The following ELMO1 variants were observed in gnomAD, a reference collection of about 807,000 sequenced individuals.
ELMO1 encodes the protein engulfment and cell motility 1.
A neutral mutation model predicts 98.9 loss-of-function variants in ELMO1; 26 were observed. The observed-to-expected ratio is 0.26, with a 90% CI of 0.19 to 0.36. ELMO1 has a LOEUF of 0.36. Ranked by LOEUF, ELMO1 falls within the 10% of genes least tolerant of loss-of-function variation. The probability of loss-of-function intolerance (pLI) is 1.00; values close to 1 mark genes in which losing one functional copy is unlikely to be tolerated. For synonymous variants in ELMO1, 346 were observed against 346.0 expected (o/e 1.00, Z 0.00); for missense variants, 627 against 935.2 (o/e 0.67, Z 4.30).
chr7:36,988,330 C>T (rs758487687), intron 16 of ELMO1, among the ~76,000 whole-genome samples: 14 of 152,186 alleles, frequency 9.2e-5, no homozygotes, highest in Non-Finnish European at 2.1e-4. Flanking sequence ...TTTGCCTTCC[C>T]ATCCTCTTGA....
At chr7:37,378,683 T>C (rs1318577986) in intron 1 of ELMO1, among the ~76,000 whole-genome samples, 1 of 152,166 alleles carries the variant, frequency 6.6e-6, no homozygotes, top group East Asian at 1.9e-4. Context: ...AAGATCTACT[T>C]CTCCTTCAAC....
chr7:37,212,600 T>C (rs1793039800), intron 12 of ELMO1, among the ~76,000 whole-genome samples: 1 of 152,196 alleles, frequency 6.6e-6, no homozygotes, highest in Non-Finnish European at 1.5e-5. Flanking sequence ...CTTAACCGTA[T>C]GGCCTTGCTC....
chr7:37,328,708 C>T (rs1799948799), intron 2 of ELMO1, among the ~76,000 whole-genome samples: 1 of 152,068 alleles, frequency 6.6e-6, no homozygotes, highest in African/African-American at 2.4e-5. Flanking sequence ...TTATAAAATC[C>T]TAAATTAACA....
At chr7:36,856,522 C>T (rs370198745) in intron 21 of ELMO1, among the ~76,000 whole-genome samples, 1 of 152,184 alleles carries the variant, frequency 6.6e-6, no homozygotes, top group Non-Finnish European at 1.5e-5. Flanking sequence ...CTTCACAGTA[C>T]CCAACTAAGA....
At chr7:37,363,092 C>G (rs1325074151) in intron 1 of ELMO1, among the ~76,000 whole-genome samples, 2 of 152,168 alleles carry the variant, frequency 1.3e-5, no homozygotes, top group Non-Finnish European at 2.9e-5. Context: ...ATGCTGTTGT[C>G]AGAGCATGAA....
intron 15 of ELMO1, among the ~76,000 whole-genome samples, chr7:37,062,321 C>G (rs1796707789): frequency 6.6e-6 from 1 of 152,094 alleles, no homozygotes; most frequent in Non-Finnish European, 1.5e-5. Flanking sequence ...ATTCACTTAC[C>G]AGAGTACATA....
At chr7:36,982,826 T>C (rs775688204) in intron 16 of ELMO1, among the ~76,000 whole-genome samples, 1 of 152,220 alleles carries the variant, frequency 6.6e-6, no homozygotes, top group African/African-American at 2.4e-5. Context: ...ATAAAACAGA[T>C]AGAAGGGGAG....
intron 1 of ELMO1, among the ~76,000 whole-genome samples, chr7:37,445,555 A>G (rs1805579516): frequency 6.6e-6 from 1 of 152,232 alleles, no homozygotes; most frequent in Non-Finnish European, 1.5e-5. Flanking sequence ...AAAGGCTTCA[A>G]AGCCCTTTCC....
At chr7:37,085,115 G>A (rs1265517632) in intron 15 of ELMO1, among the ~76,000 whole-genome samples, 1 of 152,074 alleles carries the variant, frequency 6.6e-6, no homozygotes, top group African/African-American at 2.4e-5. Flanking sequence ...AGACCTGATT[G>A]GCATCCACCT....
At chr7:37,402,544 A>G (rs961068434) in intron 1 of ELMO1, among the ~76,000 whole-genome samples, 5 of 152,300 alleles carry the variant, frequency 3.3e-5, no homozygotes, top group African/African-American at 1.2e-4. Flanking sequence ...ACCATGAAGT[A>G]TGAGCAGAAG....
chr7:36,915,059 T>C (rs1784594086), intron 16 of ELMO1, among the ~76,000 whole-genome samples: 1 of 152,106 alleles, frequency 6.6e-6, no homozygotes, highest in African/African-American at 2.4e-5. Context: ...GTTGAAGCAA[T>C]CCAGGTGTGC....
At chr7:37,317,574 A>G (rs1455015560) in intron 2 of ELMO1, among the ~76,000 whole-genome samples, 1 of 152,262 alleles carries the variant, frequency 6.6e-6, no homozygotes. Context: ...CAGGCACAGA[A>G]AGACAAACAT....
At chr7:37,401,204 T>G (rs1021958752) in intron 1 of ELMO1, among the ~76,000 whole-genome samples, 2 of 152,144 alleles carry the variant, frequency 1.3e-5, no homozygotes, top group African/African-American at 4.8e-5. Context: ...GTCAGAAATA[T>G]GGGGCTCCAT....
intron 1 of ELMO1, among the ~76,000 whole-genome samples, chr7:37,395,669 G>A (rs2251279): frequency 0.49 from 74,068 of 151,832 alleles, 19,735 homozygotes; most frequent in Non-Finnish European, 0.61. Flanking sequence ...TTTGGTTAGA[G>A]TCTAGAAGCA....
At chr7:37,151,558 T>G (rs1788362057) in intron 13 of ELMO1, among the ~76,000 whole-genome samples, 2 of 152,166 alleles carry the variant, frequency 1.3e-5, no homozygotes, top group African/African-American at 4.8e-5. Context: ...TCTGGCCATT[T>G]TTGACGTACA....
chr7:36,854,566 ACT>A lies in ELMO1; in HGVS notation c.*983_*984del, dbSNP rs1802064214. The A allele has an allele frequency of 2.0e-5, 3 of 151,750 alleles. No individual in the cohort carries two copies. The highest frequency in any genetic ancestry group is 2.0e-4 in the Admixed American group (3 of 15,206). 9.4% of individuals were successfully genotyped at this position (151,750 alleles called of 1,614,324 possible). ...AAAAAAAAAAAAAAACTAACCCAAAACTCTTGCAAATTGTAAATACCAGTAAT... is the reference window on the plus strand; with the variant it reads ...AAAAAAAAAAAAAAACTAACCCAAAACTTGCAAATTGTAAATACCAGTAAT... On this transcript the variant is annotated 3_prime_UTR_variant, in exon 22 of 22. Coordinates refer to ENST00000310758, the MANE Select transcript of ELMO1 (RefSeq NM_014800.11).
chr7:37,272,930 T>C (rs1322271043), intron 4 of ELMO1, among the ~76,000 whole-genome samples: 1 of 152,172 alleles, frequency 6.6e-6, no homozygotes, highest in East Asian at 1.9e-4. Flanking sequence ...GTGATGTAAA[T>C]GTTTTGGAAC....
intron 14 of ELMO1, among the ~76,000 whole-genome samples, chr7:37,122,320 C>T (rs1186140567): frequency 2.6e-5 from 4 of 152,062 alleles, no homozygotes; most frequent in African/African-American, 4.8e-5. Context: ...CTAAATACTC[C>T]GATTAAAAGA....
intron 16 of ELMO1, among the ~76,000 whole-genome samples, chr7:36,949,019 C>A (rs2129103024): frequency 6.6e-6 from 1 of 152,240 alleles, no homozygotes; most frequent in South Asian, 2.1e-4. Flanking sequence ...CTACGCCCAG[C>A]TAATTTTTGT....
Sources: gnomAD v4.1 joint callset for allele counts (sites outside exome capture counted in the v4.1 genomes callset) on GRCh38, gnomAD v4.1.1 for gene constraint, MANE v1.5 for transcripts, NCBI Gene and HGNC (gene_info 2026-07-23, HGNC 2026-07-21) for gene names.